The following RND3 variants were observed in gnomAD, a reference collection of about 807,000 sequenced individuals.
The protein encoded by RND3 is Rho family GTPase 3, also known as rho-related GTP-binding protein RhoE.
A neutral mutation model predicts 26.5 loss-of-function variants in RND3; 8 were observed. That is an observed-to-expected ratio of 0.30 (90% CI 0.18 to 0.54). RND3 has a LOEUF of 0.54. Ranked by LOEUF, RND3 falls within the 20% of genes least tolerant of loss-of-function variation. The pLI, the probability that RND3 is intolerant of heterozygous loss-of-function variation, is 0.94. For synonymous variants in RND3, 113 were observed against 113.0 expected, an observed-to-expected ratio of 1.00 and a Z score of 0.00; for missense variants, 207 against 302.8, an observed-to-expected ratio of 0.68 and a Z score of 2.35.
chr2:150,481,501 C>T (rs1686269111), intron 3 of RND3, among the ~76,000 whole-genome samples: 1 of 152,150 alleles, frequency 6.6e-6, no homozygotes, highest in Non-Finnish European at 1.5e-5. Context: ...TTGGGAAAGC[C>T]TGAATATTTT....
Position 150,486,874 on chromosome 2 carries a change from GCT to G in RND3, c.151-95_151-94del. 1 of 888,876 alleles carries G rather than the reference GCT, an allele frequency of 1.1e-6. No homozygotes were observed. Among genetic ancestry groups the G allele is most frequent in the Non-Finnish European group, 1.9e-6 (1 of 521,622 alleles). The allele number at this position is 888,876 out of a possible 1,614,324, so 55.1% of individuals were successfully genotyped here. A position where few individuals can be genotyped will look rare whatever the true frequency, so the allele number is the denominator to read the frequency against. On this transcript the variant is annotated intron_variant, in intron 2 of 5. Coordinates refer to ENST00000263895, the MANE Select transcript of RND3 (RefSeq NM_005168.5). The surrounding 1 kb of genome is among the most constrained non-coding windows in gnomAD (Gnocchi z 4.5). The stretch of plus-strand genomic sequence containing the variant: ...CCCATTGAACACCCTTCCCCTCCCC[GCT>G]CCCCAGTTAAGAAAGAAAACCTTCA...
chr2:150,487,474 A>AAAAATATATATATATAT lies in RND3; in HGVS notation c.-38-20_-38-19insATATATATATATATTTT. 520 of 200,696 alleles carry AAAAATATATATATATAT rather than the reference A, an allele frequency of 2.6e-3. 2 individuals are homozygous for AAAAATATATATATATAT. The highest frequency in any genetic ancestry group is 3.4e-3 in the Non-Finnish European group (390 of 114,606). 12.4% of individuals were successfully genotyped at this position (200,696 alleles called of 1,614,324 possible). On this transcript the variant is annotated intron_variant, in intron 1 of 5. Coordinates refer to ENST00000263895, the MANE Select transcript of RND3 (RefSeq NM_005168.5). ...ATTTTCTCTTAAGAAGAAAAAAAAA[A>AAAAATATATATATATAT]ATATATATATATATATATATTTCTC...
chr2:150,471,967 T>G, intron 4 of RND3: 1 of 523,034 alleles, frequency 1.9e-6, no homozygotes, highest in Non-Finnish European at 3.4e-6. Context: ...AGAGAATAAT[T>G]ATGTATATTA....
chr2:150,478,579 C>CAAAAAAAAAAAAAAAAAAAAAAAAA (rs1229770069), intron 3 of RND3, among the ~76,000 whole-genome samples: 2 of 106,392 alleles, frequency 1.9e-5, no homozygotes, highest in African/African-American at 7.4e-5. Flanking sequence ...AGCCAAACGG[C>CAAAAAAAAAAAAAAAAAAAAAAAAA]AAAAAAAAAA....
At position 150,474,916 on chromosome 2, in the gene RND3, C is replaced by T; in HGVS notation, c.307G>A (p.Asp103Asn). 1 of 1,613,352 alleles carries T rather than the reference C, an allele frequency of 6.2e-7. No homozygotes were observed. The highest frequency in any genetic ancestry group is 8.5e-7 in the Non-Finnish European group (1 of 1,179,450). The change falls in exon 4 of 6, where the codon GAC becomes AAC. Residue 103 changes from aspartate to asparagine, a missense_variant. Transcript: ENST00000263895. Reference protein sequence around the residue: ...PDSDAVLICFDISRPETLDSV... With the variant: ...PDSDAVLICFNISRPETLDSV... ...TCCAGGGTCTCTGGTCTACTGATGTCAAAGCAAATCAGCACAGCATCCGAA... is the reference window on the plus strand; with the variant it reads ...TCCAGGGTCTCTGGTCTACTGATGTTAAAGCAAATCAGCACAGCATCCGAA...
At chr2:150,481,882 T>C (rs768547533) in intron 3 of RND3, among the ~76,000 whole-genome samples, 1 of 152,202 alleles carries the variant, frequency 6.6e-6, no homozygotes, top group Non-Finnish European at 1.5e-5. Flanking sequence ...TTCTTCATAC[T>C]TGATGTACAA....
chr2:150,485,895 G>A (rs1686350389), intron 3 of RND3, among the ~76,000 whole-genome samples: 1 of 152,134 alleles, frequency 6.6e-6, no homozygotes, highest in Admixed American at 6.5e-5. Context: ...ACCCACCGCG[G>A]CGCCAATAAT....
intron 3 of RND3, among the ~76,000 whole-genome samples, chr2:150,478,734 A>C (rs1488525223): frequency 6.6e-6 from 1 of 152,146 alleles, no homozygotes; most frequent in Non-Finnish European, 1.5e-5. Flanking sequence ...ACTGCAGTAC[A>C]TGGTAGGTAT....
intron 3 of RND3, among the ~76,000 whole-genome samples, chr2:150,481,847 A>G (rs1238474842): frequency 6.6e-6 from 1 of 152,170 alleles, no homozygotes; most frequent in Non-Finnish European, 1.5e-5. Context: ...GAAATATTTC[A>G]TTAGAGAGCT....
At position 150,487,474 on chromosome 2, in the gene RND3, A is replaced by AAAAAATATATATATATAT; in HGVS notation, c.-38-20_-38-19insATATATATATATATTTTT. The AAAAAATATATATATATAT allele has an allele frequency of 5.3e-4, 107 of 200,786 alleles. 1 individual carries two copies. The highest frequency in any genetic ancestry group is 3.3e-3 in the Middle Eastern group (2 of 612). 12.4% of individuals were successfully genotyped at this position (200,786 alleles called of 1,614,324 possible). ...ATTTTCTCTTAAGAAGAAAAAAAAA[A>AAAAAATATATATATATAT]ATATATATATATATATATATTTCTC... On this transcript the variant is annotated intron_variant, in intron 1 of 5. Transcript: ENST00000263895.
Position 150,487,346 on chromosome 2 carries a change from G to T in RND3, c.72C>A (p.Cys24Ter). Residue 24 changes from cysteine (C) to a stop codon, truncating the protein, a stop_gained, in exon 2 of 6, where the codon TGC becomes TGA. Transcript: ENST00000263895. LOFTEE classifies it high-confidence loss of function. The part of the protein sequence containing the change: ...SIMDPNQNVK[C>*]KIVVVGDSQC... ...GACTGTCTCCCACCACAACTATCTT[G>T]CATTTCACGTTCTGATTAGGATCCA... 2 of 1,604,454 alleles carry T rather than the reference G, an allele frequency of 1.2e-6. No homozygotes were observed. The highest frequency in any genetic ancestry group is 1.7e-6 in the Non-Finnish European group (2 of 1,175,258).
Position 150,474,861 on chromosome 2 carries a change from T to G in RND3, c.348+14A>C, listed in dbSNP as rs1686141086. ...ACCCAGTACTGAAGTGTGTCATCAT[T>G]TCCCAGCACTTGCCTTTTTGAGGAC... On this transcript the variant is annotated intron_variant, in intron 4 of 5. Coordinates refer to ENST00000263895, the MANE Select transcript of RND3 (RefSeq NM_005168.5). 1 of 1,470,388 alleles carries G rather than the reference T, an allele frequency of 6.8e-7. No homozygotes were observed. The highest frequency in any genetic ancestry group is 1.4e-5 in the African/African-American group (1 of 71,874). 91.1% of individuals were successfully genotyped at this position (1,470,388 alleles called of 1,614,324 possible). A position where few individuals can be genotyped will look rare whatever the true frequency, so the allele number is the denominator to read the frequency against.
Position 150,469,894 on chromosome 2 carries a change from C to T in RND3, c.*93G>A. On this transcript the variant is annotated 3_prime_UTR_variant, in exon 6 of 6. Transcript: ENST00000263895. Reference sequence around the variant, plus strand: ...CCTCCTAAGCCTCTGGTATACATGACTTTGGCTGTGCACTTCATTTAGACT... The same window carrying T: ...CCTCCTAAGCCTCTGGTATACATGATTTTGGCTGTGCACTTCATTTAGACT... 1 of 1,457,418 alleles carries T rather than the reference C, an allele frequency of 6.9e-7. No homozygotes were observed. Among genetic ancestry groups the T allele is most frequent in the South Asian group, 1.3e-5 (1 of 78,116 alleles). The allele number at this position is 1,457,418 out of a possible 1,614,324, so 90.3% of individuals were successfully genotyped here. A position where few individuals can be genotyped will look rare whatever the true frequency, so the allele number is the denominator to read the frequency against.
Position 150,486,950 on chromosome 2 carries a change from C to G in RND3, c.151-169G>C, listed in dbSNP as rs778560451. 1 of 649,600 alleles carries G rather than the reference C, an allele frequency of 1.5e-6. No homozygotes were observed. Among genetic ancestry groups the G allele is most frequent in the Non-Finnish European group, 2.8e-6 (1 of 359,228 alleles). 40.2% of individuals were successfully genotyped at this position (649,600 alleles called of 1,614,324 possible). On this transcript the variant is annotated intron_variant, in intron 2 of 5. Transcript: ENST00000263895. The surrounding 1 kb of genome is among the most constrained non-coding windows in gnomAD (Gnocchi z 4.5). Reference sequence around the variant, plus strand: ...CATGGACCCTTTCCGAAACCCCTGTCCTACTCCCCACTCACCCCACCCGGC... The same window carrying G: ...CATGGACCCTTTCCGAAACCCCTGTGCTACTCCCCACTCACCCCACCCGGC...
chr2:150,485,706 A>G (rs1017494897), intron 3 of RND3, among the ~76,000 whole-genome samples: 1 of 151,956 alleles, frequency 6.6e-6, no homozygotes, highest in African/African-American at 2.4e-5. Flanking sequence ...AAGACCTCAG[A>G]TGGTGCCCCC....
rs113746605 is a variant in RND3, at chr2:150,486,642, C to T, written c.238+52G>A. The stretch of plus-strand genomic sequence containing the variant: ...GGTTTCCCGAGACCCGCCGCGCATC[C>T]CCCAGCGACTGGAAACCCGCCCCAA... On this transcript the variant is annotated intron_variant, in intron 3 of 5. Coordinates refer to ENST00000263895, the MANE Select transcript of RND3 (RefSeq NM_005168.5). This position sits in a 1 kb window ranked among gnomAD's most constrained non-coding sequence, Gnocchi z 4.5. The T allele has an allele frequency of 3.1e-5, 39 of 1,276,404 alleles. No individual in the cohort carries two copies. In the Middle Eastern group the frequency reaches 7.4e-4, roughly 24 times the overall value. 79.1% of individuals were successfully genotyped at this position (1,276,404 alleles called of 1,614,324 possible).
intron 4 of RND3, among the ~76,000 whole-genome samples, chr2:150,472,963 GA>G (rs1401253967): frequency 6.6e-6 from 1 of 151,754 alleles, no homozygotes; most frequent in Non-Finnish European, 1.5e-5. Flanking sequence ...CTTTCCATAA[GA>G]GCCCATTTTG....
At chr2:150,471,987 C>T in intron 4 of RND3, 1 of 471,402 alleles carries the variant, frequency 2.1e-6, no homozygotes, top group Non-Finnish European at 3.8e-6. Context: ...ATGATTGATT[C>T]TCCCTCTCTG....
Position 150,469,382 on chromosome 2 carries a change from C to G in RND3, c.*605G>C, listed in dbSNP as rs1231341593. 1 of 152,632 alleles carries G rather than the reference C, an allele frequency of 6.6e-6. No individual in the cohort carries two copies. Among genetic ancestry groups the G allele is most frequent in the Non-Finnish European group, 1.5e-5 (1 of 68,154 alleles). 9.5% of individuals were successfully genotyped at this position (152,632 alleles called of 1,614,324 possible). ...AGATTGCAAAGGCTTTCCTTAGAACCATCCTACTCAGCTATCTTCAGGAAG... is the reference window on the plus strand; with the variant it reads ...AGATTGCAAAGGCTTTCCTTAGAACGATCCTACTCAGCTATCTTCAGGAAG... On this transcript the variant is annotated 3_prime_UTR_variant, in exon 6 of 6. Transcript: ENST00000263895.
Sources: gnomAD v4.1 joint callset for allele counts (sites outside exome capture counted in the v4.1 genomes callset) on GRCh38, gnomAD v4.1.1 for gene constraint, Gnocchi (gnomAD v3.1) non-coding constraint, MANE v1.5 for transcripts, NCBI Gene and HGNC (gene_info 2026-07-23, HGNC 2026-07-21) for gene names.